Variants in CEP63 observed in about 807,000 individuals in gnomAD.
CEP63 encodes centrosomal protein 63.
A neutral mutation model predicts 89.1 loss-of-function variants in CEP63; 84 were observed. The ratio of observed to expected loss-of-function variants is 0.94; its 90% CI spans 0.79 to 1.13. CEP63 has a LOEUF of 1.13. Ranked by LOEUF, CEP63 falls within the 50% of genes most tolerant of loss-of-function variation. The pLI is 0.00. For missense variants in CEP63, 838 were observed against 813.3 expected (o/e 1.03, Z -0.37); for synonymous variants, 267 against 272.5 (o/e 0.98, Z 0.20).
At chr3:134,729,283 T>C in the CEP63 span, among the ~76,000 whole-genome samples, 4 of 152,204 alleles carry the variant, frequency 2.6e-5, no homozygotes, top group African/African-American at 7.2e-5. Flanking sequence ...TTCTTGTGTA[T>C]TGTTTATGTA....
At chr3:134,486,224 G>A in intron 1 of CEP63, 22 bp downstream of exon 1, 1 of 985,668 alleles carries the variant, frequency 1.0e-6, no homozygotes, top group Non-Finnish European at 1.2e-6. Context: ...AAGGCTCAGG[G>A]GCGTGCTTGC....
chr3:134,535,179 A>G (rs1317766623), intron 5 of CEP63, among the ~76,000 whole-genome samples: 7 of 152,058 alleles, frequency 4.6e-5, no homozygotes, highest in African/African-American at 1.7e-4. Context: ...AAATTACTTC[A>G]GTCATCTATA....
In CEP63 at chr3:134,557,376, G is replaced by GTTTTTTTTTTTT. The variant is rs199930556; in HGVS notation, c.1468-749_1468-738dup. On this transcript the variant is annotated intron_variant, in intron 12 of 14. Transcript: ENST00000675561. The stretch of plus-strand genomic sequence containing the variant: ...CTTGACCAGCTTACTTTCATAATTT[G>GTTTTTTTTTTTT]TTTTTTTTTTTTTTTTTTTTTTTTT... Among the ~76,000 whole-genome samples, 605 of 101,398 alleles carry GTTTTTTTTTTTT rather than the reference G, an allele frequency of 6.0e-3. 93 individuals carry two copies. Among genetic ancestry groups the GTTTTTTTTTTTT allele is most frequent in the African/African-American group, 0.019 (383 of 20,274 alleles). 66.5% of individuals were successfully genotyped at this position (101,398 alleles called of 152,430 possible).
the CEP63 span, among the ~76,000 whole-genome samples, chr3:134,770,350 C>A: frequency 6.6e-6 from 1 of 152,294 alleles, no homozygotes; most frequent in South Asian, 2.1e-4. Flanking sequence ...TCCTAGCATA[C>A]TTTTTCTAGT....
the CEP63 span, among the ~76,000 whole-genome samples, chr3:134,774,028 A>T: frequency 6.6e-6 from 1 of 152,172 alleles, no homozygotes; most frequent in Non-Finnish European, 1.5e-5. Context: ...TGCTGAATAC[A>T]ATTGAGTAAC....
chr3:134,495,467 C>G, intron 2 of CEP63, 103 bp downstream of exon 2: 1 of 776,064 alleles, frequency 1.3e-6, no homozygotes, highest in South Asian at 1.5e-5. Flanking sequence ...GTGTAATGAT[C>G]AAATAAGGGT....
chr3:134,576,811 G>T (rs935517610), downstream of CEP63, among the ~76,000 whole-genome samples: 1 of 152,112 alleles, frequency 6.6e-6, no homozygotes, highest in Non-Finnish European at 1.5e-5. Flanking sequence ...AGAGGGGCAC[G>T]CGTGGGGTGA....
downstream of CEP63, chr3:134,575,064 ACT>A (rs1286651518): frequency 1.0e-5 from 4 of 391,742 alleles, no homozygotes. Flanking sequence ...GAATTTAAAG[ACT>A]GTCACTAAAA....
the CEP63 span, among the ~76,000 whole-genome samples, chr3:134,711,513 G>C: frequency 6.6e-6 from 1 of 152,052 alleles, no homozygotes; most frequent in African/African-American, 2.4e-5. Context: ...ACTTTCTTAG[G>C]TTATTCCCTT....
At chr3:134,581,066 G>T (rs1466939881) in intron 10 of CEP63, among the ~76,000 whole-genome samples, 1 of 147,368 alleles carries the variant, frequency 6.8e-6, no homozygotes. Context: ...GGGGCCATGA[G>T]CCAAGGAATG....
the CEP63 span, among the ~76,000 whole-genome samples, chr3:134,766,750 G>A: frequency 6.6e-6 from 1 of 152,340 alleles, no homozygotes; most frequent in East Asian, 1.9e-4. Context: ...GAGGAGAGGG[G>A]AGGGCAGATG....
chr3:134,526,139 C>CT (rs1042466937), intron 3 of CEP63, among the ~76,000 whole-genome samples: 2 of 152,194 alleles, frequency 1.3e-5, no homozygotes, highest in South Asian at 2.1e-4. Context: ...CCTTTTCATT[C>CT]TTTTTTTCTC....
At chr3:134,652,654 A>ACGCGCGCG in the CEP63 span, among the ~76,000 whole-genome samples, 1 of 144,826 alleles carries the variant, frequency 6.9e-6, no homozygotes, top group East Asian at 1.9e-4. Flanking sequence ...ACACACACAC[A>ACGCGCGCG]CACGCGCGCG....
the CEP63 span, chr3:134,600,881 T>A: frequency 0.63 from 95,948 of 152,082 alleles, 30,766 homozygotes; most frequent in East Asian, 0.87. Flanking sequence ...ACACATAAGG[T>A]AGCGCTGAGA....
At chr3:134,537,802 A>G (rs1388771655) in intron 6 of CEP63, among the ~76,000 whole-genome samples, 1 of 152,182 alleles carries the variant, frequency 6.6e-6, no homozygotes, top group African/African-American at 2.4e-5. Context: ...AGGGAGCTTC[A>G]GTTAGTCTGC....
chr3:134,733,033 A>G, the CEP63 span, among the ~76,000 whole-genome samples: 1 of 152,238 alleles, frequency 6.6e-6, no homozygotes. Flanking sequence ...GGACATTAGC[A>G]CAATGTTATA....
chr3:134,651,481 G>A, the CEP63 span: 5 of 1,007,802 alleles, frequency 5.0e-6, no homozygotes, highest in Non-Finnish European at 5.9e-6. Flanking sequence ...ACAGCAAAGG[G>A]GCTCCAGATT....
At chr3:134,503,041 C>T (rs1259434287) in intron 2 of CEP63, among the ~76,000 whole-genome samples, 2 of 150,096 alleles carry the variant, frequency 1.3e-5, no homozygotes, top group South Asian at 2.1e-4. Context: ...GAGAATTCCT[C>T]CTGGTATTCT....
chr3:134,650,904 G>T, the CEP63 span: 4 of 1,613,280 alleles, frequency 2.5e-6, no homozygotes, highest in Admixed American at 1.7e-5. Context: ...GCTTCTCCGA[G>T]TGCACGATCA....
Sources: allele counts gnomAD v4.1 joint callset (sites outside exome capture counted in the v4.1 genomes callset), GRCh38; gene constraint gnomAD v4.1.1; transcripts MANE v1.5; gene names NCBI Gene and HGNC (gene_info 2026-07-23, HGNC 2026-07-21).